Variants in FBXL7 observed in about 807,000 individuals in gnomAD.
The protein encoded by FBXL7 is F-box and leucine rich repeat protein 7, also known as F-box/LRR-repeat protein 7.
Under a neutral mutation model 38.3 loss-of-function variants are expected in FBXL7, and 12 were observed. The observed-to-expected ratio is 0.31, with a 90% confidence interval of 0.20 to 0.51. The LOEUF is 0.51. FBXL7 is among the 20% of genes least tolerant of loss of function. The pLI is 0.98. For synonymous variants in FBXL7, 297 were observed against 300.9 expected (o/e 0.99, Z 0.13); for missense variants, 567 against 676.4 (o/e 0.84, Z 1.79).
At chr5:15,781,528 G>A (rs1169961681) in intron 2 of FBXL7, among the ~76,000 whole-genome samples, 1 of 152,028 alleles carries the variant, frequency 6.6e-6, no homozygotes, top group African/African-American at 2.4e-5. Context: ...CAGTGTCAGT[G>A]CCTGATATTG....
At chr5:15,901,022 A>G (rs1445642911) in intron 2 of FBXL7, among the ~76,000 whole-genome samples, 1 of 152,244 alleles carries the variant, frequency 6.6e-6, no homozygotes, top group Non-Finnish European at 1.5e-5. Flanking sequence ...TGGAAAAATT[A>G]GAAAAATCAG....
At chr5:15,771,855 C>T (rs1220065028) in intron 2 of FBXL7, among the ~76,000 whole-genome samples, 3 of 150,916 alleles carry the variant, frequency 2.0e-5, no homozygotes, top group African/African-American at 7.3e-5. Flanking sequence ...GAAACTTCCG[C>T]CTGCTGGGTT....
intron 1 of FBXL7, among the ~76,000 whole-genome samples, chr5:15,587,472 T>A (rs1305559998): frequency 6.6e-6 from 1 of 152,208 alleles, no homozygotes; most frequent in Non-Finnish European, 1.5e-5. Context: ...CATGTTTATT[T>A]ATTTTTGTTT....
chr5:15,684,742 T>TA (rs1742962942), intron 2 of FBXL7, among the ~76,000 whole-genome samples: 2 of 152,178 alleles, frequency 1.3e-5, no homozygotes, highest in African/African-American at 4.8e-5. Context: ...GCTTTGCTTC[T>TA]AGCTTTAAAA....
At chr5:15,849,314 C>G (rs1051188674) in intron 2 of FBXL7, among the ~76,000 whole-genome samples, 1 of 152,188 alleles carries the variant, frequency 6.6e-6, no homozygotes, top group Non-Finnish European at 1.5e-5. Flanking sequence ...GGCTAATAGT[C>G]ATTTGGTGAA....
intron 2 of FBXL7, among the ~76,000 whole-genome samples, chr5:15,621,285 AG>A (rs771404440): frequency 1.6e-4 from 24 of 152,226 alleles, no homozygotes; most frequent in Admixed American, 2.6e-4. Flanking sequence ...CTGACACTGT[AG>A]GGGGGGTTGG....
intron 1 of FBXL7, among the ~76,000 whole-genome samples, chr5:15,527,216 C>A (rs73751968): frequency 6.6e-6 from 1 of 152,136 alleles, no homozygotes; most frequent in Non-Finnish European, 1.5e-5. Context: ...AGTAAGCATT[C>A]GTCAGTAATG....
chr5:15,806,978 T>G (rs1737731289), intron 2 of FBXL7, among the ~76,000 whole-genome samples: 1 of 152,058 alleles, frequency 6.6e-6, no homozygotes, highest in African/African-American at 2.4e-5. Context: ...GAGACGGAGT[T>G]TCGCTCTTGT....
chr5:15,704,885 T>C (rs1743633244), intron 2 of FBXL7, among the ~76,000 whole-genome samples: 1 of 152,138 alleles, frequency 6.6e-6, no homozygotes, highest in Non-Finnish European at 1.5e-5. Context: ...TTTCTCACTT[T>C]CTTAAATCCC....
chr5:15,879,038 G>A (rs1740329896), intron 2 of FBXL7, among the ~76,000 whole-genome samples: 2 of 152,100 alleles, frequency 1.3e-5, no homozygotes, highest in Admixed American at 1.3e-4. Context: ...ACCAGACTTG[G>A]ATAGTTTTCT....
At chr5:15,797,605 G>T (rs1737451025) in intron 2 of FBXL7, among the ~76,000 whole-genome samples, 1 of 152,220 alleles carries the variant, frequency 6.6e-6, no homozygotes, top group Non-Finnish European at 1.5e-5. Context: ...ATATGTGGCT[G>T]TTCAGCTTGG....
rs576817134 is a variant in FBXL7 at position 15,786,959 on chromosome 5, T to G, written c.128-140931T>G. On this transcript the variant is annotated intron_variant, in intron 2 of 3. Transcript: ENST00000504595. ...GCCCTAAATCCAGTGATGTGTGTCC[T>G]TATGAGACCCACACAGAGGAGAAAC... Among the ~76,000 whole-genome samples, 6 of 152,252 alleles carry G rather than the reference T, an allele frequency of 3.9e-5. No homozygotes were observed. The South Asian group carries it at 1.2e-3, about 32-fold the overall frequency.
At chr5:15,861,322 C>A (rs1739463602) in intron 2 of FBXL7, among the ~76,000 whole-genome samples, 1 of 152,206 alleles carries the variant, frequency 6.6e-6, no homozygotes, top group Non-Finnish European at 1.5e-5. Flanking sequence ...AAAAGAGCAA[C>A]AACAACCACT....
intron 1 of FBXL7, among the ~76,000 whole-genome samples, chr5:15,561,264 T>C (rs1490657520): frequency 6.6e-6 from 1 of 152,168 alleles, no homozygotes; most frequent in African/African-American, 2.4e-5. Flanking sequence ...TTCTACTCTG[T>C]GTTGCTATGT....
At chr5:15,709,459 G>A (rs549828573) in intron 2 of FBXL7, among the ~76,000 whole-genome samples, 6 of 151,728 alleles carry the variant, frequency 4.0e-5, no homozygotes, top group African/African-American at 1.5e-4. Flanking sequence ...GCTCAAACCC[G>A]GGAGGTAGAG....
intron 2 of FBXL7, among the ~76,000 whole-genome samples, chr5:15,639,873 T>G (rs1413079196): frequency 6.6e-6 from 1 of 152,046 alleles, no homozygotes; most frequent in Non-Finnish European, 1.5e-5. Flanking sequence ...CAATGCTGGG[T>G]TGCTGAGTTC....
chr5:15,662,101 T>G (rs1353057431), intron 2 of FBXL7, among the ~76,000 whole-genome samples: 1 of 152,214 alleles, frequency 6.6e-6, no homozygotes, highest in Non-Finnish European at 1.5e-5. Context: ...ATCGCCATAT[T>G]GCTTTCCTTA....
chr5:15,851,625 A>G (rs1252697788), intron 2 of FBXL7, among the ~76,000 whole-genome samples: 1 of 152,146 alleles, frequency 6.6e-6, no homozygotes, highest in Non-Finnish European at 1.5e-5. Flanking sequence ...AAATCCATAT[A>G]AATTAAATAA....
intron 2 of FBXL7, among the ~76,000 whole-genome samples, chr5:15,897,325 A>G (rs950840755): frequency 5.9e-5 from 9 of 152,232 alleles, no homozygotes; most frequent in Non-Finnish European, 1.2e-4. Flanking sequence ...TTACTCATTT[A>G]TTCAACAAAT....
Sources: allele counts gnomAD v4.1 joint callset (sites outside exome capture counted in the v4.1 genomes callset), GRCh38; gene constraint gnomAD v4.1.1; transcripts MANE v1.5; gene names NCBI Gene and HGNC (gene_info 2026-07-23, HGNC 2026-07-21).